The following DTX4 variants were observed in gnomAD, a reference collection of about 807,000 sequenced individuals.
DTX4 encodes deltex E3 ubiquitin ligase 4, also known as E3 ubiquitin-protein ligase DTX4.
A neutral mutation model predicts 57.6 loss-of-function variants in DTX4; 28 were observed. The observed-to-expected ratio is 0.49, with a 90% CI of 0.36 to 0.67. The LOEUF is 0.67. DTX4 is among the 30% of genes least tolerant of loss of function. The probability of loss-of-function intolerance (pLI) is 0.00; values close to 1 mark genes in which losing one functional copy is unlikely to be tolerated. For synonymous variants in DTX4, 316 were observed against 331.0 expected, an observed-to-expected ratio of 0.95 and a Z score of 0.49; for missense variants, 715 against 836.8, an observed-to-expected ratio of 0.85 and a Z score of 1.80.
chr11:59,179,872 C>T (rs767956227), intron 1 of DTX4, among the ~76,000 whole-genome samples: 20 of 151,784 alleles, frequency 1.3e-4, no homozygotes, highest in Non-Finnish European at 2.1e-4. Context: ...GAAACTTTTT[C>T]TCTCTCTCTT....
intron 2 of DTX4, among the ~76,000 whole-genome samples, chr11:59,185,689 C>G (rs1440533792): frequency 6.6e-6 from 1 of 152,136 alleles, no homozygotes; most frequent in Non-Finnish European, 1.5e-5. Flanking sequence ...AAGTACTGCC[C>G]AGCACTCAAC....
chr11:59,198,256 G>C (rs570107360), intron 7 of DTX4, among the ~76,000 whole-genome samples: 2 of 152,200 alleles, frequency 1.3e-5, no homozygotes, highest in Non-Finnish European at 2.9e-5. Flanking sequence ...CCAGGCAGGC[G>C]TCTGAGTTGG....
At chr11:59,188,603 C>A in intron 2 of DTX4, 132 bp from the exon 3 acceptor site, 1 of 710,920 alleles carries the variant, frequency 1.4e-6, no homozygotes, top group Non-Finnish European at 2.4e-6. Context: ...CATGGCCTGA[C>A]TTAGGTTTTG....
At position 59,205,199 on chromosome 11, in the gene DTX4, C is replaced by A; in HGVS notation, c.*290C>A. On this transcript the variant is annotated 3_prime_UTR_variant, in exon 9 of 9. Coordinates refer to ENST00000227451, the MANE Select transcript of DTX4 (RefSeq NM_015177.2). Reference sequence around the variant, plus strand: ...AGGCAGGAATCCCCTCCCTACCCCACCTCCCAAGTAGGGGCATGGTCAGCA... The same window carrying A: ...AGGCAGGAATCCCCTCCCTACCCCAACTCCCAAGTAGGGGCATGGTCAGCA... 1 of 384,364 alleles carries A rather than the reference C, an allele frequency of 2.6e-6. No individual in the cohort carries two copies. The highest frequency in any genetic ancestry group is 4.9e-6 in the Non-Finnish European group (1 of 202,534). The allele number at this position is 384,364 out of a possible 1,614,324, so 23.8% of individuals were successfully genotyped here.
intron 1 of DTX4, among the ~76,000 whole-genome samples, chr11:59,179,608 T>G (rs1862437323): frequency 6.6e-6 from 1 of 152,214 alleles, no homozygotes. Flanking sequence ...GAAAGCTGTT[T>G]CATCACTCAA....
In DTX4 at chr11:59,200,413, C is replaced by T. The variant is rs1862726903; in HGVS notation, c.1626+640C>T. Among the ~76,000 whole-genome samples, 3 of 152,154 alleles carry T rather than the reference C, an allele frequency of 2.0e-5. No homozygotes were observed. In the South Asian group the frequency reaches 6.2e-4, roughly 32 times the overall value. ...ATTCATCTATTTTAAGATCCTGTGT[C>T]TAGAGCCCTGCTGCTTAAACGCTGG... On this transcript the variant is annotated intron_variant, in intron 8 of 8. Transcript: ENST00000227451.
intron 1 of DTX4, among the ~76,000 whole-genome samples, chr11:59,174,500 G>GAAAAAAAAAAAAAAAA: frequency 1.8e-5 from 1 of 55,724 alleles, no homozygotes; most frequent in African/African-American, 1.6e-4. Context: ...TTCCAGTCCT[G>GAAAAAAAAAAAAAAAA]GAAAAAAAAA....
chr11:59,194,258 CT>C (rs1247727597), intron 6 of DTX4, among the ~76,000 whole-genome samples: 1 of 152,192 alleles, frequency 6.6e-6, no homozygotes, highest in East Asian at 1.9e-4. Flanking sequence ...TTGTCAGAAG[CT>C]AAAGCCTAAA....
intron 1 of DTX4, among the ~76,000 whole-genome samples, chr11:59,179,517 A>C (rs1417520687): frequency 6.6e-6 from 1 of 152,128 alleles, no homozygotes; most frequent in African/African-American, 2.4e-5. Context: ...TTCTGAGCTT[A>C]TAAAAGCCCC....
At chr11:59,187,986 G>A (rs375472443) in intron 2 of DTX4, among the ~76,000 whole-genome samples, 193 of 152,332 alleles carry the variant, frequency 1.3e-3, no homozygotes, top group Admixed American at 4.7e-3. Flanking sequence ...GCAGCTTCTC[G>A]TGCTCCACAG....
Position 59,206,509 on chromosome 11 carries a change from GTATATATATATA to G in DTX4, c.*1610_*1621del, listed in dbSNP as rs3837398. ...ATACCTCATGTTTTGGGGGTTTGAC[GTATATATATATA>G]TATATATATGCATATATATTTCATA... On this transcript the variant is annotated 3_prime_UTR_variant, in exon 9 of 9. Transcript: ENST00000227451. 4.9e-5 allele frequency: 7 copies of G among 142,268 alleles called. No homozygotes were observed. Among genetic ancestry groups the G allele is most frequent in the African/African-American group, 1.8e-4 (7 of 38,004 alleles). The allele number at this position is 142,268 out of a possible 1,614,324, so 8.8% of individuals were successfully genotyped here. A position where few individuals can be genotyped will look rare whatever the true frequency, so the allele number is the denominator to read the frequency against.
intron 5 of DTX4, among the ~76,000 whole-genome samples, chr11:59,191,866 G>A (rs762422462): frequency 1.3e-5 from 2 of 152,190 alleles, no homozygotes; most frequent in Non-Finnish European, 2.9e-5. Flanking sequence ...TAGCCCTCAC[G>A]ATTATGATAA....
intron 1 of DTX4, among the ~76,000 whole-genome samples, chr11:59,174,445 CAGAG>C (rs139423448): frequency 1.1e-4 from 15 of 136,716 alleles, no homozygotes; most frequent in African/African-American, 2.0e-4. Context: ...GAGGTGGGAC[CAGAG>C]AGAGAGAGAG....
intron 8 of DTX4, among the ~76,000 whole-genome samples, chr11:59,201,614 C>T (rs993741092): frequency 1.1e-4 from 16 of 152,182 alleles, no homozygotes; most frequent in African/African-American, 3.9e-4. Flanking sequence ...GATATGGTCT[C>T]CCCCTACAGG....
Position 59,182,351 on chromosome 11 carries a change from C to A in DTX4, c.824C>A (p.Ala275Asp). 2 of 1,613,528 alleles carry A rather than the reference C, an allele frequency of 1.2e-6. No individual in the cohort carries two copies. Among genetic ancestry groups the A allele is most frequent in the Non-Finnish European group, 1.7e-6 (2 of 1,179,858 alleles). ...ACTGGGACAACCATGGGCTCTCCTG[C>A]CAGTCCCCCAGGACCCAACAGCAAG... Reference protein sequence around the residue: ...MPTGTTMGSPASPPGPNSKTG... With the variant: ...MPTGTTMGSPDSPPGPNSKTG... Residue 275 changes from alanine to aspartate, a missense_variant, in exon 2 of 9, where the codon GCC becomes GAC. By Grantham distance (126) the Ala-to-Asp change is moderately radical. Coordinates refer to ENST00000227451, the MANE Select transcript of DTX4 (RefSeq NM_015177.2).
chr11:59,172,373 C>T lies in DTX4; in HGVS notation c.-223C>T. ...CAGCAGCAGCGGACCCCGGCGGCGG[C>T]GGCGGCGCGCGGTCCCAGCCAGGCG... On this transcript the variant is annotated 5_prime_UTR_variant, in exon 1 of 9. Transcript: ENST00000227451. The T allele has an allele frequency of 6.0e-6, 1 of 166,290 alleles. No homozygotes were observed. Among genetic ancestry groups the T allele is most frequent in the African/African-American group, 2.4e-5 (1 of 41,726 alleles). 10.3% of individuals were successfully genotyped at this position (166,290 alleles called of 1,614,324 possible).
At chr11:59,203,058 CACTT>C (rs1289171538) in intron 8 of DTX4, among the ~76,000 whole-genome samples, 1 of 152,138 alleles carries the variant, frequency 6.6e-6, no homozygotes. Context: ...CTGTATAAGG[CACTT>C]ACCACGAATG....
chr11:59,199,567 T>C (rs952582102), intron 7 of DTX4, 117 bp from the exon 8 acceptor site: 3 of 843,144 alleles, frequency 3.6e-6, no homozygotes, highest in Non-Finnish European at 5.7e-6. Context: ...CTGTTCTCTG[T>C]TGAAGCTTTA....
chr11:59,179,271 G>T (rs1172987088), intron 1 of DTX4, among the ~76,000 whole-genome samples: 1 of 152,182 alleles, frequency 6.6e-6, no homozygotes, highest in Non-Finnish European at 1.5e-5. Context: ...GCAGCAGAAG[G>T]CAGCCAAATG....
Sources: gnomAD v4.1 joint callset for allele counts (sites outside exome capture counted in the v4.1 genomes callset) on GRCh38, gnomAD v4.1.1 for gene constraint, MANE v1.5 for transcripts, NCBI Gene and HGNC (gene_info 2026-07-23, HGNC 2026-07-21) for gene names.